The following PRR5L variants were observed in gnomAD, a reference collection of about 807,000 sequenced individuals.
PRR5L encodes the protein proline-rich protein 5-like.
A neutral mutation model predicts 36.4 loss-of-function variants in PRR5L; 21 were observed. The observed-to-expected ratio is 0.58, with a 90% CI of 0.41 to 0.83. The LOEUF (loss-of-function observed/expected upper bound fraction) is 0.83. Ranked by LOEUF, PRR5L falls within the 40% of genes least tolerant of loss-of-function variation. PRR5L has a pLI of 0.00. For synonymous variants in PRR5L, 188 were observed against 197.0 expected, an observed-to-expected ratio of 0.95 and a Z score of 0.38; for missense variants, 381 against 473.3, an observed-to-expected ratio of 0.80 and a Z score of 1.81.
At chr11:36,353,554 T>A (rs1856996884) in intron 1 of PRR5L, among the ~76,000 whole-genome samples, 1 of 152,142 alleles carries the variant, frequency 6.6e-6, no homozygotes, top group Admixed American at 6.5e-5. Flanking sequence ...AGTCCCCAAC[T>A]TTTTTGGCAC....
intron 1 of PRR5L, among the ~76,000 whole-genome samples, chr11:36,370,788 G>T (rs1396527436): frequency 6.7e-6 from 1 of 149,356 alleles, no homozygotes; most frequent in East Asian, 2.0e-4. Flanking sequence ...GGCTGAGGCA[G>T]GAGAATCACT....
Position 36,463,826 on chromosome 11 carries a change from C to G in PRR5L, c.*1090C>G, listed in dbSNP as rs1859242014. 6.6e-6 allele frequency: 1 copy of G among 152,068 alleles called. No individual in the cohort carries two copies. The highest frequency in any genetic ancestry group is 2.4e-5 in the African/African-American group (1 of 41,340). The allele number at this position is 152,068 out of a possible 1,614,324, so 9.4% of individuals were successfully genotyped here. The stretch of plus-strand genomic sequence containing the variant: ...TCACAGAGCTCTAGAAGCAGCTGGA[C>G]TTGAACCCACAATGGCTTGTGTAAA... On this transcript the variant is annotated 3_prime_UTR_variant, in exon 9 of 9. Coordinates refer to ENST00000530639, the MANE Select transcript of PRR5L (RefSeq NM_001160167.2).
intron 7 of PRR5L, among the ~76,000 whole-genome samples, chr11:36,447,868 G>A (rs542850619): frequency 6.6e-6 from 1 of 152,172 alleles, no homozygotes; most frequent in Non-Finnish European, 1.5e-5. Context: ...ATAGAAAAAT[G>A]CATGTGGGGC....
intron 1 of PRR5L, among the ~76,000 whole-genome samples, chr11:36,400,659 T>TA (rs376267721): frequency 2.3e-4 from 35 of 152,364 alleles, no homozygotes; most frequent in African/African-American, 7.5e-4. Flanking sequence ...ATCCATCTCT[T>TA]ACTGCACAAC....
In PRR5L at chr11:36,336,560, A is replaced by G. The variant is rs74357395; in HGVS notation, c.-126+40122A>G. 2.4e-3 allele frequency among the ~76,000 whole-genome samples: 333 copies of G among 137,850 alleles called. 2 individuals carry two copies. Among genetic ancestry groups the G allele is most frequent in the African/African-American group, 8.3e-3 (308 of 37,180 alleles). The allele number at this position is 137,850 out of a possible 152,430, so 90.4% of individuals were successfully genotyped here. A position where few individuals can be genotyped will look rare whatever the true frequency, so the allele number is the denominator to read the frequency against. On this transcript the variant is annotated intron_variant, in intron 1 of 8. Transcript: ENST00000530639. ...TTTTTTTTTTTTTTTTTAAGGTATA[A>G]TGCTAGCGCTGGTATGTCAGGGATT...
At chr11:36,368,754 TC>T (rs1857169728) in intron 1 of PRR5L, among the ~76,000 whole-genome samples, 1 of 152,236 alleles carries the variant, frequency 6.6e-6, no homozygotes, top group East Asian at 1.9e-4. Context: ...ATACCATCCT[TC>T]CCAGTACTTT....
rs149403315 is a variant in PRR5L, at chr11:36,462,744, C to T, written c.*8C>T. ...TGTGCTTCCCTCAGCTGAGTCGCCA[C>T]CCCTGGGCCTTTCCATCTCCTGTTT... On this transcript the variant is annotated 3_prime_UTR_variant, in exon 9 of 9. Transcript: ENST00000530639. The T allele has an allele frequency of 3.4e-4, 520 of 1,519,048 alleles. 4 individuals are homozygous for T. The African/African-American group carries it at 6.7e-3, about 19-fold the overall frequency. The allele number at this position is 1,519,048 out of a possible 1,614,324, so 94.1% of individuals were successfully genotyped here. A position where few individuals can be genotyped will look rare whatever the true frequency, so the allele number is the denominator to read the frequency against.
chr11:36,454,448 A>G (rs1859007450), intron 8 of PRR5L, among the ~76,000 whole-genome samples: 1 of 152,150 alleles, frequency 6.6e-6, no homozygotes, highest in African/African-American at 2.4e-5. Flanking sequence ...TCGCTGGCTG[A>G]AGTAAAAACT....
intron 3 of PRR5L, among the ~76,000 whole-genome samples, chr11:36,410,311 G>A (rs755225549): frequency 6.6e-6 from 1 of 152,182 alleles, no homozygotes; most frequent in Non-Finnish European, 1.5e-5. Flanking sequence ...ACGGTCTGGT[G>A]TGGAGCCTGT....
chr11:36,378,116 A>G (rs1183212568), intron 1 of PRR5L, among the ~76,000 whole-genome samples: 2 of 152,164 alleles, frequency 1.3e-5, no homozygotes, highest in Non-Finnish European at 2.9e-5. Flanking sequence ...ACATACTGCA[A>G]AATGTCAAAG....
At chr11:36,460,326 G>A (rs545385331) in intron 8 of PRR5L, among the ~76,000 whole-genome samples, 16 of 152,190 alleles carry the variant, frequency 1.1e-4, no homozygotes, top group East Asian at 5.8e-4. Flanking sequence ...TCTCAGACGC[G>A]ATGTGGCCAG....
rs534506952 is a variant in PRR5L at position 36,328,361 on chromosome 11, G to T, written c.-126+31923G>T. Among the ~76,000 whole-genome samples, 78 of 152,270 alleles carry T rather than the reference G, an allele frequency of 5.1e-4. 1 individual carries two copies. The South Asian group carries it at 0.012, about 24-fold the overall frequency. On this transcript the variant is annotated intron_variant, in intron 1 of 8. Coordinates refer to ENST00000530639, the MANE Select transcript of PRR5L (RefSeq NM_001160167.2). ...TTGGAGGTGGGGCCTGGTGAGAGGT[G>T]ATTGATCATGGGGGCGCATTTACCC...
At chr11:36,405,954 C>T (rs1294180557) in intron 3 of PRR5L, among the ~76,000 whole-genome samples, 7 of 152,186 alleles carry the variant, frequency 4.6e-5, no homozygotes, top group Non-Finnish European at 8.8e-5. Context: ...CTCAAAGGCC[C>T]ATCTCCAAAT....
intron 6 of PRR5L, among the ~76,000 whole-genome samples, chr11:36,438,938 A>G (rs1449098230): frequency 2.0e-5 from 3 of 152,308 alleles, no homozygotes; most frequent in South Asian, 2.1e-4. Context: ...CTGTCTCGAA[A>G]TAAATAAATA....
chr11:36,425,319 A>T (rs1426082725), intron 4 of PRR5L: 1 of 152,252 alleles, frequency 6.6e-6, no homozygotes, highest in Non-Finnish European at 1.5e-5. Context: ...ATACAAATAC[A>T]TACAGCTAGT....
chr11:36,299,056 G>T (rs189681100), intron 1 of PRR5L, among the ~76,000 whole-genome samples: 35 of 152,294 alleles, frequency 2.3e-4, no homozygotes, highest in Admixed American at 2.1e-3. Flanking sequence ...ATTTTGGGAG[G>T]ATAGTTGAGG....
intron 8 of PRR5L, among the ~76,000 whole-genome samples, chr11:36,461,868 G>A (rs1859189349): frequency 6.6e-6 from 1 of 152,100 alleles, no homozygotes; most frequent in African/African-American, 2.4e-5. Context: ...GACAACTGAG[G>A]TAACTCCCCA....
At position 36,296,903 on chromosome 11, in the gene PRR5L, GC is replaced by G. The variant is rs1856317432; in HGVS notation, c.-126+469del. ...TAGAATCTGCGCTTTTCGTCATCAT[GC>G]CCCTTGTAAAGCATTTTTTTTTACA... On this transcript the variant is annotated intron_variant, in intron 1 of 8. Coordinates refer to ENST00000530639, the MANE Select transcript of PRR5L (RefSeq NM_001160167.2). 3.9e-5 allele frequency among the ~76,000 whole-genome samples: 6 copies of G among 152,068 alleles called. No individual in the cohort carries two copies. In the South Asian group the frequency reaches 1.2e-3, roughly 32 times the overall value.
At chr11:36,313,469 G>C (rs1321688720) in intron 1 of PRR5L, among the ~76,000 whole-genome samples, 4 of 152,128 alleles carry the variant, frequency 2.6e-5, no homozygotes, top group Non-Finnish European at 5.9e-5. Flanking sequence ...TTTTTGTCCT[G>C]GTCCCTGCGT....
Sources: gnomAD v4.1 joint callset for allele counts (sites outside exome capture counted in the v4.1 genomes callset) on GRCh38, gnomAD v4.1.1 for gene constraint, MANE v1.5 for transcripts, NCBI Gene and HGNC (gene_info 2026-07-23, HGNC 2026-07-21) for gene names.